SYT10: variants seen among roughly 807,000 people sequenced by gnomAD.
SYT10 encodes the protein synaptotagmin 10.
In SYT10, 31 loss-of-function variants were observed where a neutral mutation model predicts 51.1. That is an observed-to-expected ratio of 0.61 (90% CI 0.46 to 0.82). The LOEUF is 0.82. Among genes scored for constraint, SYT10 ranks in the 40% least tolerant of loss-of-function variants. The pLI, the probability that SYT10 is intolerant of heterozygous loss-of-function variation, is 0.00. For missense variants in SYT10, 603 were observed against 634.0 expected (o/e 0.95, Z 0.53); for synonymous variants, 233 against 225.9 (o/e 1.03, Z -0.28).
intron 1 of SYT10, among the ~76,000 whole-genome samples, chr12:33,431,867 C>T (rs1379414616): frequency 1.3e-5 from 2 of 151,952 alleles, no homozygotes; most frequent in Non-Finnish European, 2.9e-5. Flanking sequence ...GCCAACATCC[C>T]ACATATTTGC....
Position 33,439,356 on chromosome 12 carries a change from G to T in SYT10, c.151+16C>A. On this transcript the variant is annotated intron_variant, in intron 1 of 6. Transcript: ENST00000228567. ...CCAGCGGAGCGCGAGGACGCGAGCG[G>T]AGCCCTCCCGGTTACCTGTGCTGCT... 6.2e-7 allele frequency: 1 copy of T among 1,607,432 alleles called. No individual in the cohort carries two copies. Among genetic ancestry groups the T allele is most frequent in the African/African-American group, 1.3e-5 (1 of 74,852 alleles).
intron 2 of SYT10, among the ~76,000 whole-genome samples, chr12:33,410,981 G>A (rs1866400138): frequency 6.6e-6 from 1 of 152,230 alleles, no homozygotes; most frequent in South Asian, 2.1e-4. Flanking sequence ...CAATTCAACT[G>A]AGCCTCATGT....
At chr12:33,392,264 A>C (rs531790075) in intron 3 of SYT10, among the ~76,000 whole-genome samples, 1 of 152,330 alleles carries the variant, frequency 6.6e-6, no homozygotes, top group East Asian at 1.9e-4. Flanking sequence ...CATATCTGGT[A>C]ATTTCCCCCA....
In SYT10 at chr12:33,376,065, A is replaced by T. The variant is rs1866059078; in HGVS notation, c.*765T>A. The T allele has an allele frequency of 2.0e-5, 3 of 152,356 alleles. No individual in the cohort carries two copies. The highest frequency in any genetic ancestry group is 2.0e-4 in the Admixed American group (3 of 15,284). 9.4% of individuals were successfully genotyped at this position (152,356 alleles called of 1,614,324 possible). The stretch of plus-strand genomic sequence containing the variant: ...TACATTTGAGATGAAGATTATTAGA[A>T]TTTTAAAAATATCAGTTGAACAGTG... On this transcript the variant is annotated 3_prime_UTR_variant, in exon 7 of 7. Transcript: ENST00000228567.
chr12:33,410,028 T>C (rs1424082832), intron 2 of SYT10, among the ~76,000 whole-genome samples: 1 of 152,204 alleles, frequency 6.6e-6, no homozygotes, highest in Non-Finnish European at 1.5e-5. Context: ...GTAGTGAACT[T>C]CCTCAAGCTG....
chr12:33,412,145 T>C (rs1351057593), intron 2 of SYT10, among the ~76,000 whole-genome samples: 1 of 152,148 alleles, frequency 6.6e-6, no homozygotes, highest in Non-Finnish European at 1.5e-5. Flanking sequence ...TGCTTTTCAA[T>C]ATTATAAAAC....
At chr12:33,400,251 A>G (rs1428894088) in intron 3 of SYT10, among the ~76,000 whole-genome samples, 2 of 152,220 alleles carry the variant, frequency 1.3e-5, no homozygotes, top group East Asian at 1.9e-4. Context: ...CCTATGATTG[A>G]TCCAGGATGA....
At chr12:33,431,241 G>A (rs989733204) in intron 1 of SYT10, among the ~76,000 whole-genome samples, 2 of 152,156 alleles carry the variant, frequency 1.3e-5, no homozygotes, top group African/African-American at 4.8e-5. Context: ...AACTTCCCAA[G>A]GGTCAGGACT....
At chr12:33,416,766 A>T (rs1482775999) in intron 2 of SYT10, among the ~76,000 whole-genome samples, 3 of 152,190 alleles carry the variant, frequency 2.0e-5, no homozygotes, top group Non-Finnish European at 4.4e-5. Context: ...CCTTTAAGAT[A>T]GAAGAAATAA....
At chr12:33,416,540 TACA>T (rs1480307380) in intron 2 of SYT10, among the ~76,000 whole-genome samples, 1 of 152,198 alleles carries the variant, frequency 6.6e-6, no homozygotes, top group East Asian at 1.9e-4. Context: ...CATTCTCTTT[TACA>T]ACGTTTCTGC....
chr12:33,383,814 G>A (rs537377516), intron 4 of SYT10, among the ~76,000 whole-genome samples: 10 of 152,208 alleles, frequency 6.6e-5, no homozygotes, highest in South Asian at 4.1e-4. Flanking sequence ...CAAAGCATGC[G>A]CTCCTCCGAT....
intron 3 of SYT10, among the ~76,000 whole-genome samples, chr12:33,398,514 A>G (rs1443792432): frequency 6.6e-6 from 1 of 151,992 alleles, no homozygotes; most frequent in Non-Finnish European, 1.5e-5. Context: ...CTCTGTCTCA[A>G]AACAAACAAA....
rs543766785 is a variant in SYT10 at position 33,376,622 on chromosome 12, T to C, written c.*208A>G. 7.2e-6 allele frequency: 4 copies of C among 553,044 alleles called. No individual in the cohort carries two copies. The highest frequency in any genetic ancestry group is 5.6e-5 in the South Asian group (2 of 35,686). The allele number at this position is 553,044 out of a possible 1,614,324, so 34.3% of individuals were successfully genotyped here. A position where few individuals can be genotyped will look rare whatever the true frequency, so the allele number is the denominator to read the frequency against. On this transcript the variant is annotated 3_prime_UTR_variant, in exon 7 of 7. Coordinates refer to ENST00000228567, the MANE Select transcript of SYT10 (RefSeq NM_198992.4). ...TTGATACGAAGGATAAAATGCCTTA[T>C]GCAACTAAGGACTATATGTATTCAA... is the stretch of plus-strand genomic sequence containing the variant.
intron 3 of SYT10, among the ~76,000 whole-genome samples, chr12:33,388,148 A>G (rs1244614998): frequency 6.6e-6 from 1 of 152,168 alleles, no homozygotes; most frequent in Admixed American, 6.5e-5. Flanking sequence ...TATTCTAAAA[A>G]GAATAGCAAA....
In SYT10 at chr12:33,426,228, A is replaced by G; in HGVS notation, c.419T>C (p.Ile140Thr). The G allele has an allele frequency of 6.2e-7, 1 of 1,614,124 alleles. No individual in the cohort carries two copies. The highest frequency in any genetic ancestry group is 8.5e-7 in the Non-Finnish European group (1 of 1,180,030). ...AIKISHTSPD[I>T]PAEVQTALKE... is the part of the protein sequence containing the mutation. ...TAAAGCAGTTTGGACTTCTGCTGGG[A>G]TGTCAGGGGAAGTGTGGCTGATTTT... Residue 140 changes from isoleucine to threonine, a missense_variant, in exon 2 of 7, where the codon ATC (isoleucine) becomes ACC (threonine). Ile to Thr is a moderately conservative substitution (Grantham distance 89). Coordinates refer to ENST00000228567, the MANE Select transcript of SYT10 (RefSeq NM_198992.4).
intron 3 of SYT10, among the ~76,000 whole-genome samples, chr12:33,389,030 C>T (rs1866181589): frequency 6.6e-6 from 1 of 152,136 alleles, no homozygotes; most frequent in Non-Finnish European, 1.5e-5. Context: ...GGAAAGTAAT[C>T]ATTAGGTTGG....
intron 1 of SYT10, chr12:33,432,643 C>T (rs1866606646): frequency 6.6e-6 from 1 of 152,030 alleles, no homozygotes; most frequent in African/African-American, 2.4e-5. Context: ...ACTACTAAAA[C>T]ATCACTAAGG....
rs965793305 is a variant in SYT10 at position 33,419,475 on chromosome 12, A to T, written c.509+6663T>A. 3.9e-5 allele frequency among the ~76,000 whole-genome samples: 6 copies of T among 152,308 alleles called. No homozygotes were observed. The East Asian group carries it at 7.7e-4, about 20-fold the overall frequency. On this transcript the variant is annotated intron_variant, in intron 2 of 6. Transcript: ENST00000228567. ...GTTTTCTTCTCAATTATTTAAAGAG[A>T]TAGCTAAAATCCCTTCAGTAATTTA...
In SYT10 at chr12:33,376,879, A is replaced by G. The variant is rs139188967; in HGVS notation, c.1523T>C (p.Phe508Ser). Residue 508 changes from phenylalanine (F) to serine (S), a missense_variant, in exon 7 of 7, where the codon TTT becomes TCT. Transcript: ENST00000228567. The part of the protein sequence containing the change: ...LLELPGRATS[F>S]DSQGSCPSPK... Reference sequence around the variant, plus strand: ...AGAAGGGCAGGATCCTTGACTATCAAAACTGGTCGCCCGGCCAGGTAACTG... The same window carrying G: ...AGAAGGGCAGGATCCTTGACTATCAGAACTGGTCGCCCGGCCAGGTAACTG... 16 of 1,613,978 alleles carry G rather than the reference A, an allele frequency of 9.9e-6. No individual in the cohort carries two copies. The highest frequency in any genetic ancestry group is 3.3e-5 in the Admixed American group (2 of 59,994).
Sources: allele counts gnomAD v4.1 joint callset (sites outside exome capture counted in the v4.1 genomes callset), GRCh38; gene constraint gnomAD v4.1.1; transcripts MANE v1.5; gene names NCBI Gene and HGNC (gene_info 2026-07-23, HGNC 2026-07-21).